The following TNKS1BP1 variants were observed in gnomAD, a reference collection of about 807,000 sequenced individuals.
TNKS1BP1 encodes CCR4-NOT transcription complex subunit 12, also known as 182 kDa tankyrase-1-binding protein.
A neutral mutation model predicts 141.1 loss-of-function variants in TNKS1BP1; 48 were observed. That is an observed-to-expected ratio of 0.34 (90% CI 0.27 to 0.43). TNKS1BP1 has a LOEUF of 0.43. Among genes scored for constraint, TNKS1BP1 ranks in the 20% least tolerant of loss-of-function variants. The pLI is 1.00. For synonymous variants in TNKS1BP1, 875 were observed against 898.2 expected (o/e 0.97, Z 0.46); for missense variants, 2,149 against 2,226.0 (o/e 0.97, Z 0.70).
rs1232271055 is a variant in TNKS1BP1, at chr11:57,299,668, C to A, written c.*426G>T. The A allele has an allele frequency of 1.3e-5, 2 of 152,778 alleles. No individual in the cohort carries two copies. Among genetic ancestry groups the A allele is most frequent in the Admixed American group, 6.5e-5 (1 of 15,272 alleles). The allele number at this position is 152,778 out of a possible 1,614,324, so 9.5% of individuals were successfully genotyped here. A position where few individuals can be genotyped will look rare whatever the true frequency, so the allele number is the denominator to read the frequency against. On this transcript the variant is annotated 3_prime_UTR_variant, in exon 12 of 12. Coordinates refer to ENST00000358252, the MANE Select transcript of TNKS1BP1 (RefSeq NM_033396.3). ...TCCCAAAAAACTTTATTTATTGTTTCAAGTGGCAAAATGTCATTGGTCTCT... is the reference window on the plus strand; with the variant it reads ...TCCCAAAAAACTTTATTTATTGTTTAAAGTGGCAAAATGTCATTGGTCTCT...
chr11:57,308,282 A>G, intron 6 of TNKS1BP1, 113 bp downstream of exon 6: 3 of 1,445,230 alleles, frequency 2.1e-6, no homozygotes, highest in Non-Finnish European at 2.8e-6. Context: ...CAATTACCCA[A>G]ACACTAAAAG....
chr11:57,322,071 TGGGGGG>T (rs5792037), intron 1 of TNKS1BP1, 121 bp from the exon 2 acceptor site: 4 of 334,814 alleles, frequency 1.2e-5, no homozygotes, highest in South Asian at 3.8e-5. Flanking sequence ...GAACTTGGAG[TGGGGGG>T]GGGGGGGTAG....
intron 2 of TNKS1BP1, among the ~76,000 whole-genome samples, chr11:57,321,505 C>T (rs980732860): frequency 6.6e-6 from 1 of 152,126 alleles, no homozygotes; most frequent in Non-Finnish European, 1.5e-5. Flanking sequence ...TCCATTTTTC[C>T]CTGTGGGCCT....
rs1018518431 is a variant in TNKS1BP1, at chr11:57,317,710, G to A, written c.798+108C>T. On this transcript the variant is annotated intron_variant, in intron 4 of 11. Coordinates refer to ENST00000358252, the MANE Select transcript of TNKS1BP1 (RefSeq NM_033396.3). ...CCCTCCAGTGAGTCACTCTCCCCATGGGCCTCAGTTTCCCCATCTGAACTA... is the reference window on the plus strand; with the variant it reads ...CCCTCCAGTGAGTCACTCTCCCCATAGGCCTCAGTTTCCCCATCTGAACTA... 24 of 1,179,520 alleles carry A rather than the reference G, an allele frequency of 2.0e-5. No homozygotes were observed. In the South Asian group the frequency reaches 3.3e-4, roughly 16 times the overall value. 73.1% of individuals were successfully genotyped at this position (1,179,520 alleles called of 1,614,324 possible).
At chr11:57,318,425 GGGACAGGCAAAGGA>G (rs1317836220) in intron 3 of TNKS1BP1, among the ~76,000 whole-genome samples, 2 of 152,214 alleles carry the variant, frequency 1.3e-5, no homozygotes, top group Non-Finnish European at 2.9e-5. Flanking sequence ...ACCCTGGTCT[GGGACAGGCAAAGGA>G]CTAGCTCTGG....
chr11:57,320,178 T>A lies in TNKS1BP1; in HGVS notation c.629A>T (p.Asp210Val), dbSNP rs779074044. 6.2e-7 allele frequency: 1 copy of A among 1,614,102 alleles called. No homozygotes were observed. The highest frequency in any genetic ancestry group is 1.7e-5 in the Admixed American group (1 of 60,012). The change falls in exon 3 of 12, where the codon GAT becomes GTT. Residue 210 changes from aspartate (D) to valine (V), a missense_variant. Asp to Val is a radical substitution (Grantham distance 152, BLOSUM62 -3). Coordinates refer to ENST00000358252, the MANE Select transcript of TNKS1BP1 (RefSeq NM_033396.3). ...RTYGTTTAPR[D>V]EDGSTLFRGW... ...CCTGAAGAGGGTGCTGCCATCCTCATCCCTGGGAGCAGTGGTCGTGCCATA... is the reference window on the plus strand; with the variant it reads ...CCTGAAGAGGGTGCTGCCATCCTCAACCCTGGGAGCAGTGGTCGTGCCATA...
rs759578751 is a variant in TNKS1BP1, at chr11:57,320,517, A to C, written c.290T>G (p.Leu97Arg). 1 of 1,613,240 alleles carries C rather than the reference A, an allele frequency of 6.2e-7. No homozygotes were observed. Among genetic ancestry groups the C allele is most frequent in the African/African-American group, 1.3e-5 (1 of 75,030 alleles). ...PQPYGGSKRPLPFAPRPAVEA... is the reference protein window; with the variant it reads ...PQPYGGSKRPRPFAPRPAVEA... ...AACCGCAGGCCTTGGTGCAAAGGGA[A>C]GGGGGCGCTTGCTGCCACCATAGGG... The change falls in exon 3 of 12, where the codon CTT becomes CGT. Residue 97 changes from leucine to arginine, a missense_variant. Leu to Arg is a moderately radical substitution (Grantham distance 102). Transcript: ENST00000358252.
intron 4 of TNKS1BP1, among the ~76,000 whole-genome samples, chr11:57,314,295 G>C (rs184224852): frequency 6.6e-6 from 1 of 152,220 alleles, no homozygotes; most frequent in African/African-American, 2.4e-5. Context: ...TGTGGGAGTC[G>C]TGAGGGGAGA....
At position 57,320,112 on chromosome 11, in the gene TNKS1BP1, C is replaced by T. The variant is rs755361152; in HGVS notation, c.695G>A (p.Cys232Tyr). ...AGGGGTCTTGCTGTGCTCTTCCCGG[C>T]ACTCTGCTGGAGACTTTACTGGCCC... Reference protein sequence around the residue: ...QEGPVKSPAECREEHSKTPEE... With the variant: ...QEGPVKSPAEYREEHSKTPEE... The change falls in exon 3 of 12, where the codon TGC becomes TAC. Residue 232 changes from cysteine to tyrosine, a missense_variant. By Grantham distance (194) the Cys-to-Tyr change is radical (BLOSUM62 -2). Coordinates refer to ENST00000358252, the MANE Select transcript of TNKS1BP1 (RefSeq NM_033396.3). 4 of 1,613,820 alleles carry T rather than the reference C, an allele frequency of 2.5e-6. No individual in the cohort carries two copies. Among genetic ancestry groups the T allele is most frequent in the African/African-American group, 1.3e-5 (1 of 74,870 alleles).
rs1462464498 is a variant in TNKS1BP1 at position 57,315,888 on chromosome 11, TC to T, written c.798+1929del. Among the ~76,000 whole-genome samples, 21 of 152,076 alleles carry T rather than the reference TC, an allele frequency of 1.4e-4. No individual in the cohort carries two copies. The South Asian group carries it at 4.0e-3, about 29-fold the overall frequency. ...TCTCTCTCCTGCATCGATTTTTTTT[TC>T]CCTCTCTACTGGATCATTTCCATCA... On this transcript the variant is annotated intron_variant, in intron 4 of 11. Coordinates refer to ENST00000358252, the MANE Select transcript of TNKS1BP1 (RefSeq NM_033396.3).
At position 57,302,330 on chromosome 11, in the gene TNKS1BP1, C is replaced by A. The variant is rs1180377950; in HGVS notation, c.4684-106G>T. ...GACCCCTCCTGCAGCCGGAGCTTCA[C>A]GTTCACGTGACGCACCTACAACCCG... On this transcript the variant is annotated intron_variant, in intron 7 of 11. Transcript: ENST00000358252. This position sits in a 1 kb window ranked among gnomAD's most constrained non-coding sequence, Gnocchi z 5.5. The A allele has an allele frequency of 5.2e-6, 8 of 1,538,502 alleles. No individual in the cohort carries two copies. Among genetic ancestry groups the A allele is most frequent in the Non-Finnish European group, 7.0e-6 (8 of 1,141,242 alleles).
In TNKS1BP1 at chr11:57,312,694, G is replaced by A. The variant is rs760427683; in HGVS notation, c.1994C>T (p.Ala665Val). The A allele has an allele frequency of 6.3e-6, 10 of 1,575,190 alleles. No homozygotes were observed. The Admixed American group carries it at 7.4e-5, about 12-fold the overall frequency. ...GGGGGATGCCCTACACAAGTCTTGA[G>A]CCTCTGTCCTGGCTTGGGTGGTCTC... ...RAETTQARTE[A>V]QDLCRASPEP... The change falls in exon 5 of 12, where the codon GCT becomes GTT. Residue 665 changes from alanine to valine, a missense_variant. Ala to Val is a moderately conservative substitution (Grantham distance 64). Coordinates refer to ENST00000358252, the MANE Select transcript of TNKS1BP1 (RefSeq NM_033396.3).
chr11:57,306,903 TGG>T (rs796934603), intron 6 of TNKS1BP1, among the ~76,000 whole-genome samples: 2 of 70,176 alleles, frequency 2.8e-5, no homozygotes, highest in Non-Finnish European at 5.2e-5. Context: ...GCTGTGGTGG[TGG>T]GGGGGGGGGT....
intron 3 of TNKS1BP1, among the ~76,000 whole-genome samples, chr11:57,318,704 C>G (rs1855833979): frequency 6.6e-6 from 1 of 152,382 alleles, no homozygotes; most frequent in African/African-American, 2.4e-5. Flanking sequence ...CAGCCTCTTC[C>G]TCCAAAGTCC....
At chr11:57,323,462 G>C (rs922486226) in intron 1 of TNKS1BP1, among the ~76,000 whole-genome samples, 4 of 152,108 alleles carry the variant, frequency 2.6e-5, no homozygotes, top group Admixed American at 1.3e-4. Flanking sequence ...AACCTGCAAG[G>C]GGCATTGCCT....
chr11:57,302,801 G>T lies in TNKS1BP1; in HGVS notation c.4341C>A (p.Pro1447=), dbSNP rs1855548299. The T allele has an allele frequency of 1.3e-6, 2 of 1,540,450 alleles. No homozygotes were observed. The highest frequency in any genetic ancestry group is 1.9e-5 in the Admixed American group (1 of 52,958). Residue 1447 remains proline, a synonymous_variant, in exon 7 of 12, where the codon CCC becomes CCA. Coordinates refer to ENST00000358252, the MANE Select transcript of TNKS1BP1 (RefSeq NM_033396.3). The surrounding 1 kb of genome is among the most constrained non-coding windows in gnomAD (Gnocchi z 5.5). ...GCAGGCCCTGGGAGCCGGAGGGTGG[G>T]GGGCGGGCCGGGCACCTGCCAGGGC... ...GASPGRCPAR[P]PPSGSQGLLE...
Position 57,310,015 on chromosome 11 carries a change from C to G in TNKS1BP1, c.2696G>C (p.Ser899Thr). The change falls in exon 6 of 12, where the codon AGC becomes ACC. Residue 899 changes from serine (S) to threonine (T), a missense_variant. Coordinates refer to ENST00000358252, the MANE Select transcript of TNKS1BP1 (RefSeq NM_033396.3). ...GKRDSLGAYA[S>T]QDANEQGQDL... Reference sequence around the variant, plus strand: ...TTGGCCCTGCTCGTTGGCATCTTGGCTGGCATAAGCACCCAGAGAATCTCT... The same window carrying G: ...TTGGCCCTGCTCGTTGGCATCTTGGGTGGCATAAGCACCCAGAGAATCTCT... 1 of 1,614,180 alleles carries G rather than the reference C, an allele frequency of 6.2e-7. No individual in the cohort carries two copies. Among genetic ancestry groups the G allele is most frequent in the Non-Finnish European group, 8.5e-7 (1 of 1,180,020 alleles).
intron 9 of TNKS1BP1, among the ~76,000 whole-genome samples, 177 bp downstream of exon 9, chr11:57,301,630 T>C (rs1189307706): frequency 6.6e-6 from 1 of 152,078 alleles, no homozygotes; most frequent in Admixed American, 6.5e-5. Context: ...GCACACAGCA[T>C]AGGGCCCGGC....
chr11:57,320,016 C>T, intron 3 of TNKS1BP1, 63 bp downstream of exon 3: 2 of 1,246,404 alleles, frequency 1.6e-6, no homozygotes, highest in Non-Finnish European at 1.2e-6. Context: ...CCCCAGCCCC[C>T]ACCCAATCCC....
Sources: allele counts gnomAD v4.1 joint callset (sites outside exome capture counted in the v4.1 genomes callset), GRCh38; gene constraint gnomAD v4.1.1; non-coding constraint Gnocchi (gnomAD v3.1); transcripts MANE v1.5; gene names NCBI Gene and HGNC (gene_info 2026-07-23, HGNC 2026-07-21).